TMT1A: variants seen among roughly 807,000 people sequenced by gnomAD.
The protein encoded by TMT1A is thiol S-methyltransferase TMT1A.
chr12:50,930,056 G>C, the TMT1A span: 2 of 1,613,898 alleles, frequency 1.2e-6, no homozygotes, highest in East Asian at 4.5e-5. Flanking sequence ...GCCCTGGAGC[G>C]GGCCAGCTTC....
chr12:50,930,438 C>T, the TMT1A span: 4 of 226,028 alleles, frequency 1.8e-5, no homozygotes, highest in East Asian at 4.2e-4. Context: ...CACCACCATG[C>T]CCAGCTAATT....
At chr12:50,925,332 C>A in the TMT1A span, 1 of 1,614,196 alleles carries the variant, frequency 6.2e-7, no homozygotes, top group Non-Finnish European at 8.5e-7. Flanking sequence ...CCTGTATTGA[C>A]CCCAACCCCA....
At chr12:50,927,987 GCTAA>G in the TMT1A span, among the ~76,000 whole-genome samples, 4 of 152,118 alleles carry the variant, frequency 2.6e-5, no homozygotes, top group Non-Finnish European at 4.4e-5. Context: ...ACCACGCCTG[GCTAA>G]CTTTTATATT....
the TMT1A span, among the ~76,000 whole-genome samples, chr12:50,927,458 C>G: frequency 6.6e-6 from 1 of 152,184 alleles, no homozygotes; most frequent in African/African-American, 2.4e-5. Context: ...GATTCTTATA[C>G]CCAAATGCTG....
chr12:50,925,666 T>A, the TMT1A span: 31 of 1,159,152 alleles, frequency 2.7e-5, no homozygotes, highest in Admixed American at 1.2e-4. Context: ...TAGAATTTTT[T>A]AAAATTTTAG....
At chr12:50,929,912 A>G in the TMT1A span, 1 of 1,562,860 alleles carries the variant, frequency 6.4e-7, no homozygotes. Flanking sequence ...TTTCTTTCTC[A>G]GGGAGGGGCT....
At chr12:50,932,491 T>C in the TMT1A span, 1 of 152,248 alleles carries the variant, frequency 6.6e-6, no homozygotes, top group African/African-American at 2.4e-5. Context: ...AAATTCACAT[T>C]TGTGTTAGGA....
the TMT1A span, among the ~76,000 whole-genome samples, chr12:50,928,281 C>T: frequency 2.0e-4 from 30 of 152,192 alleles, no homozygotes; most frequent in African/African-American, 7.2e-4. Flanking sequence ...AGGATTTTTG[C>T]TCCTTAGCTC....
the TMT1A span, among the ~76,000 whole-genome samples, chr12:50,926,701 T>C: frequency 2.0e-5 from 3 of 152,236 alleles, no homozygotes; most frequent in Non-Finnish European, 4.4e-5. Context: ...AGGTAGAGCG[T>C]AGGCCCACCA....
chr12:50,928,724 C>A, the TMT1A span, among the ~76,000 whole-genome samples: 1 of 152,156 alleles, frequency 6.6e-6, no homozygotes, highest in Non-Finnish European at 1.5e-5. Context: ...ATCTCATATA[C>A]CTCCACAGTT....
the TMT1A span, among the ~76,000 whole-genome samples, chr12:50,927,622 C>T: frequency 5.3e-5 from 8 of 152,190 alleles, no homozygotes; most frequent in Admixed American, 3.3e-4. Flanking sequence ...TTATCACATT[C>T]GTGATAGTCT....
At chr12:50,930,097 CCA>C in the TMT1A span, 1 of 1,613,938 alleles carries the variant, frequency 6.2e-7, no homozygotes, top group South Asian at 1.1e-5. Flanking sequence ...CATCCAGGCC[CCA>C]CTGTCCTGGG....
At chr12:50,930,274 G>T in the TMT1A span, 225 of 522,470 alleles carry the variant, frequency 4.3e-4, no homozygotes, top group Admixed American at 2.4e-3. Flanking sequence ...TTTGTTGTTG[G>T]TTTTTTTTTT....
the TMT1A span, chr12:50,931,382 T>G: frequency 1.3e-5 from 2 of 151,924 alleles, no homozygotes; most frequent in East Asian, 1.9e-4. Flanking sequence ...ACAGCACAGA[T>G]TTTTTCTTTC....
chr12:50,928,750 T>C, the TMT1A span, among the ~76,000 whole-genome samples: 1 of 152,130 alleles, frequency 6.6e-6, no homozygotes, highest in Non-Finnish European at 1.5e-5. Context: ...ATACCACATA[T>C]ATACAGATGT....
At chr12:50,927,588 C>CA in the TMT1A span, among the ~76,000 whole-genome samples, 3 of 152,110 alleles carry the variant, frequency 2.0e-5, no homozygotes, top group Non-Finnish European at 4.4e-5. Flanking sequence ...TTTCCAGTGC[C>CA]AAAAATCAAT....
chr12:50,925,126 T>C, the TMT1A span: 39 of 1,614,130 alleles, frequency 2.4e-5, no homozygotes, highest in South Asian at 4.1e-4. Flanking sequence ...CTTGTGGAGC[T>C]GGATATGCAA....
At chr12:50,932,165 A>G in the TMT1A span, 2 of 152,218 alleles carry the variant, frequency 1.3e-5, no homozygotes, top group African/African-American at 4.8e-5. Context: ...GAAAAAGTCT[A>G]CTAAATTAGG....
At chr12:50,929,503 C>G in the TMT1A span, among the ~76,000 whole-genome samples, 19 of 152,332 alleles carry the variant, frequency 1.2e-4, no homozygotes, top group Admixed American at 6.5e-4. Context: ...GATGTCCCCA[C>G]ACATAACATG....
Sources: allele counts gnomAD v4.1 joint callset (sites outside exome capture counted in the v4.1 genomes callset), GRCh38; gene constraint gnomAD v4.1.1; transcripts MANE v1.5; gene names NCBI Gene and HGNC (gene_info 2026-07-23, HGNC 2026-07-21).